The following ADGRG2 variants were observed in gnomAD, a reference collection of about 807,000 sequenced individuals.
ADGRG2 encodes the protein G protein-coupled receptor 64.
Under a neutral mutation model 74.1 loss-of-function variants are expected in ADGRG2, and 26 were observed. The observed-to-expected ratio is 0.35, with a 90% CI of 0.26 to 0.49. ADGRG2 has a LOEUF of 0.49. Among genes scored for constraint, ADGRG2 ranks in the 20% least tolerant of loss-of-function variants. The pLI, the probability that ADGRG2 is intolerant of heterozygous loss-of-function variation, is 0.99. For missense variants in ADGRG2, 619 were observed against 763.1 expected (o/e 0.81, Z 2.22); for synonymous variants, 296 against 295.2 (o/e 1.00, Z -0.03).
Position 19,040,238 on chromosome X carries a change from G to A in ADGRG2, c.119-14C>T, listed in dbSNP as rs1203100940. 9.1e-7 allele frequency: 1 copy of A among 1,098,521 alleles called. No homozygotes were observed. Among genetic ancestry groups the A allele is most frequent in the South Asian group, 2.0e-5 (1 of 51,280 alleles). 90.5% of individuals were successfully genotyped at this position (1,098,521 alleles called of 1,213,427 possible). ...TATCAGTATCTTCTGTTGAGGAAAA[G>A]AGGTGATTCAGAATTAGTTTCATGA... On this transcript the variant is annotated splice_polypyrimidine_tract_variant and intron_variant, in intron 3 of 28. Transcript: ENST00000379869.
At chrX:19,090,686 AT>A (rs2062003053) in intron 1 of ADGRG2, among the ~76,000 whole-genome samples, 1 of 101,744 alleles carries the variant, frequency 9.8e-6, no homozygotes, top group South Asian at 4.6e-4. Context: ...ACTCTAACTT[AT>A]TTTTTTCTCC....
rs2060011273 is a variant in ADGRG2 at position 18,995,985 on chromosome X, A to T, written c.2716+66T>A. The T allele has an allele frequency of 6.8e-6, 4 of 584,010 alleles. No homozygotes were observed. The East Asian group carries it at 1.3e-4, about 19-fold the overall frequency. 48.1% of individuals were successfully genotyped at this position (584,010 alleles called of 1,213,427 possible). On this transcript the variant is annotated intron_variant, in intron 27 of 28. Transcript: ENST00000379869. ...GATTTCTAGATTGGATTTGCTTTGG[A>T]TCTTAATTTATACAATCTTTTCCTT...
intron 1 of ADGRG2, among the ~76,000 whole-genome samples, chrX:19,112,988 CAAA>C (rs756477082): frequency 2.1e-3 from 150 of 71,409 alleles, no homozygotes; most frequent in African/African-American, 7.2e-3. Flanking sequence ...AAAAAAAAAC[CAAA>C]AAAAAAAAAA....
rs752407367 is a variant in ADGRG2, at chrX:19,112,913, G to A, written c.-47+9529C>T. On this transcript the variant is annotated intron_variant, in intron 1 of 28. Coordinates refer to ENST00000379869, the MANE Select transcript of ADGRG2 (RefSeq NM_001079858.3). ...ATGGAGGTTGCAGTGAGCCGAGATC[G>A]CGCCACTGCACTCCAGCCTGGCGAC... Among the ~76,000 whole-genome samples, 134 of 102,141 alleles carry A rather than the reference G, an allele frequency of 1.3e-3. 1 individual carries two copies. The highest frequency in any genetic ancestry group is 4.4e-3 in the African/African-American group (121 of 27,605). The allele number at this position is 102,141 out of a possible 115,157, so 88.7% of individuals were successfully genotyped here. A position where few individuals can be genotyped will look rare whatever the true frequency, so the allele number is the denominator to read the frequency against.
At chrX:19,078,007 A>G (rs1477197878) in intron 2 of ADGRG2, among the ~76,000 whole-genome samples, 1 of 112,138 alleles carries the variant, frequency 8.9e-6, no homozygotes, top group East Asian at 2.8e-4. Context: ...CACACATTTA[A>G]CCAACAACAT....
rs61742901 is a variant in ADGRG2 at position 19,028,205 on chromosome X, T to A, written c.392A>T (p.Asp131Val). 9.1e-7 allele frequency: 1 copy of A among 1,096,990 alleles called. No individual in the cohort carries two copies. 90.4% of individuals were successfully genotyped at this position (1,096,990 alleles called of 1,213,427 possible). Residue 131 changes from aspartate to valine, a missense_variant, in exon 10 of 29, where the codon GAT becomes GTT. Coordinates refer to ENST00000379869, the MANE Select transcript of ADGRG2 (RefSeq NM_001079858.3). The part of the protein sequence containing the change: ...FFRGEIMFQY[D>V]KESTVPQNQH... ...TACCTGGGGAACAGTGCTTTCTTTA[T>A]CATATTGAAACATGATCTCACCTCT... is the stretch of plus-strand genomic sequence containing the variant.
intron 16 of ADGRG2, among the ~76,000 whole-genome samples, chrX:19,013,319 T>C (rs1252441465): frequency 3.6e-5 from 4 of 111,863 alleles, no homozygotes; most frequent in African/African-American, 1.3e-4. Context: ...AATCTCCAAC[T>C]CCATCAAATG....
chrX:19,055,766 C>T, intron 3 of ADGRG2, among the ~76,000 whole-genome samples: 1 of 104,397 alleles, frequency 9.6e-6, no homozygotes, highest in Non-Finnish European at 2.0e-5. Flanking sequence ...GTCTCTCTCA[C>T]TCTGTCACCC....
chrX:19,024,107 A>G (rs1159366809), intron 11 of ADGRG2, among the ~76,000 whole-genome samples, 159 bp from the exon 12 acceptor site: 2 of 112,324 alleles, frequency 1.8e-5, no homozygotes, highest in African/African-American at 3.2e-5. Flanking sequence ...CCTATGTGGC[A>G]AGAAAATAAA....
At chrX:19,059,557 T>C (rs1223951147) in intron 3 of ADGRG2, among the ~76,000 whole-genome samples, 1 of 110,880 alleles carries the variant, frequency 9.0e-6, no homozygotes, top group East Asian at 2.9e-4. Flanking sequence ...GCTGCTGCTG[T>C]TGTTAATCTT....
chrX:19,040,093 C>G, intron 4 of ADGRG2, 96 bp downstream of exon 4: 1 of 612,445 alleles, frequency 1.6e-6, no homozygotes, highest in Non-Finnish European at 2.7e-6. Flanking sequence ...TGGAGGAAAA[C>G]AATTTTGTTG....
chrX:19,091,216 C>A (rs1464569887), intron 1 of ADGRG2, among the ~76,000 whole-genome samples: 1 of 111,115 alleles, frequency 9.0e-6, no homozygotes, highest in Non-Finnish European at 1.9e-5. Context: ...GGCTTGGTGG[C>A]CAAGGTAAGG....
Position 19,035,937 on chromosome X carries a change from A to C in ADGRG2, c.262+5T>G. On this transcript the variant is annotated splice_donor_5th_base_variant and intron_variant, in intron 7 of 28. Transcript: ENST00000379869. ...CTATTACATTTAGAAATCACTTGAT[A>C]TTACCTGTTTCGTTTGAAGGGAGTA... is the stretch of plus-strand genomic sequence containing the variant. 1 of 962,716 alleles carries C rather than the reference A, an allele frequency of 1.0e-6. No homozygotes were observed. The highest frequency in any genetic ancestry group is 2.5e-5 in the Admixed American group (1 of 40,503). The allele number at this position is 962,716 out of a possible 1,213,427, so 79.3% of individuals were successfully genotyped here.
At chrX:18,993,693 A>G (rs1424456282) in intron 28 of ADGRG2, among the ~76,000 whole-genome samples, 1 of 108,523 alleles carries the variant, frequency 9.2e-6, no homozygotes, top group African/African-American at 3.4e-5. Flanking sequence ...AAAAGAAAAA[A>G]AAAAAAAAAA....
At chrX:19,028,294 T>C (rs1425583986) in intron 9 of ADGRG2, 56 bp from the exon 10 acceptor site, 1 of 525,414 alleles carries the variant, frequency 1.9e-6, no homozygotes, top group Non-Finnish European at 3.2e-6. Context: ...AGCTTGAGGA[T>C]TAATACCACA....
At chrX:19,119,956 A>T (rs1310514984) in intron 1 of ADGRG2, among the ~76,000 whole-genome samples, 1 of 111,960 alleles carries the variant, frequency 8.9e-6, no homozygotes, top group Non-Finnish European at 1.9e-5. Flanking sequence ...TATTTCCAAC[A>T]TTTCTTTTTT....
At chrX:19,082,180 AAGAGGGTCATGGGC>A (rs2061863124) in intron 2 of ADGRG2, among the ~76,000 whole-genome samples, 1 of 110,847 alleles carries the variant, frequency 9.0e-6, no homozygotes, top group Non-Finnish European at 1.9e-5. Flanking sequence ...TTCTATCTAG[AAGAGGGTCATGGGC>A]AGAAATCTGG....
chrX:19,065,333 A>C (rs1485279157), intron 3 of ADGRG2, among the ~76,000 whole-genome samples: 4 of 109,279 alleles, frequency 3.7e-5, no homozygotes, highest in African/African-American at 1.3e-4. Flanking sequence ...AAACAAAATA[A>C]ATAAATAACA....
intron 2 of ADGRG2, among the ~76,000 whole-genome samples, chrX:19,072,533 G>A (rs953679393): frequency 1.8e-5 from 2 of 111,685 alleles, no homozygotes; most frequent in African/African-American, 6.5e-5. Context: ...AGGCAAATTC[G>A]TGTACTCAGT....
Sources: gnomAD v4.1 joint callset for allele counts (sites outside exome capture counted in the v4.1 genomes callset) on GRCh38, gnomAD v4.1.1 for gene constraint, MANE v1.5 for transcripts, NCBI Gene and HGNC (gene_info 2026-07-23, HGNC 2026-07-21) for gene names.